MPHOSPH9: variants seen among roughly 807,000 people sequenced by gnomAD.
MPHOSPH9 encodes the protein M-phase phosphoprotein 9.
MPHOSPH9 carries 88 observed loss-of-function variants against 145.5 expected under a neutral mutation model. The ratio of observed to expected loss-of-function variants is 0.60; its 90% CI spans 0.51 to 0.72. The LOEUF (loss-of-function observed/expected upper bound fraction) is 0.72. MPHOSPH9 is among the 30% of genes least tolerant of loss of function. The pLI, the probability that MPHOSPH9 is intolerant of heterozygous loss-of-function variation, is 0.00. For missense variants in MPHOSPH9, 1,238 were observed against 1,386.6 expected (o/e 0.89, Z 1.70); for synonymous variants, 435 against 486.2 (o/e 0.89, Z 1.39).
At chr12:123,229,742 C>G (rs2047566259) in intron 2 of MPHOSPH9, among the ~76,000 whole-genome samples, 1 of 150,900 alleles carries the variant, frequency 6.6e-6, no homozygotes, top group African/African-American at 2.4e-5. Flanking sequence ...GCTTTCCATG[C>G]AAAAGTACAT....
Position 123,156,688 on chromosome 12 carries a change from A to G in MPHOSPH9, c.*119T>C. 2 of 599,982 alleles carry G rather than the reference A, an allele frequency of 3.3e-6. No individual in the cohort carries two copies. The highest frequency in any genetic ancestry group is 3.5e-5 in the South Asian group (1 of 28,354). 37.2% of individuals were successfully genotyped at this position (599,982 alleles called of 1,614,324 possible). A position where few individuals can be genotyped will look rare whatever the true frequency, so the allele number is the denominator to read the frequency against. ...ATAAAATAGCAAGTGTAAGAATAGC[A>G]TGATTGTAAAACTACTGTTTGAAGG... On this transcript the variant is annotated 3_prime_UTR_variant, in exon 24 of 24. Transcript: ENST00000606320.
In MPHOSPH9 at chr12:123,168,315, G is replaced by A. The variant is rs536122745; in HGVS notation, c.2457-1526C>T. On this transcript the variant is annotated intron_variant, in intron 16 of 23. Transcript: ENST00000606320. ...CCACCTCAAGCGGACACCCCAAACC[G>A]CCTGACCGCCTGGCAACATGACTTT... Among the ~76,000 whole-genome samples the A allele has an allele frequency of 1.7e-4, 25 of 148,650 alleles. No homozygotes were observed. In the South Asian group the frequency reaches 5.3e-3, roughly 32 times the overall value.
intron 16 of MPHOSPH9, among the ~76,000 whole-genome samples, chr12:123,168,245 A>G: frequency 6.6e-6 from 1 of 150,730 alleles, no homozygotes; most frequent in East Asian, 1.9e-4. Flanking sequence ...AACTCCTACC[A>G]CTGAGCTTTG....
At chr12:123,167,087 C>T (rs569961934) in intron 16 of MPHOSPH9, among the ~76,000 whole-genome samples, 3 of 152,256 alleles carry the variant, frequency 2.0e-5, no homozygotes, top group East Asian at 3.9e-4. Flanking sequence ...TGTGCCCCTA[C>T]TGTAGCTGAG....
At chr12:123,236,634 T>C (rs975894958), upstream of MPHOSPH9, among the ~76,000 whole-genome samples, 7 of 152,070 alleles carry the variant, frequency 4.6e-5, no homozygotes, top group East Asian at 1.9e-4. Flanking sequence ...GGTTTGTATA[T>C]GTTTAAGTCC....
chr12:123,184,638 C>T (rs2045354770), intron 13 of MPHOSPH9, among the ~76,000 whole-genome samples: 1 of 151,334 alleles, frequency 6.6e-6, no homozygotes, highest in Non-Finnish European at 1.5e-5. Flanking sequence ...GCTGGGACTA[C>T]AGGCATCCGC....
At chr12:123,242,041 A>C (rs1054676848) in intron 1 of MPHOSPH9, among the ~76,000 whole-genome samples, 1 of 152,180 alleles carries the variant, frequency 6.6e-6, no homozygotes, top group African/African-American at 2.4e-5. Context: ...CTTTTATGCT[A>C]CAGACTCTTT....
intron 11 of MPHOSPH9, among the ~76,000 whole-genome samples, chr12:123,201,067 T>A (rs1327619500): frequency 6.6e-6 from 1 of 152,178 alleles, no homozygotes; most frequent in Non-Finnish European, 1.5e-5. Context: ...TTCTTTTGGT[T>A]TGGCTCTTTT....
chr12:123,221,798 G>A lies in MPHOSPH9; in HGVS notation c.446C>T (p.Ser149Leu), dbSNP rs201876941. The change falls in exon 5 of 24, where the codon TCG becomes TTG. Residue 149 changes from serine (S) to leucine (L), a missense_variant. Coordinates refer to ENST00000606320, the MANE Select transcript of MPHOSPH9 (RefSeq NM_022782.4). ...AGAAAAAAAACCCATTTGACTTTCC[G>A]AAGATACTTGTTTGTTTGAAGAATT... ...EGNSSNKQVSSESQMGFFSLS... is the reference protein window; with the variant it reads ...EGNSSNKQVSLESQMGFFSLS... 418 of 1,613,848 alleles carry A rather than the reference G, an allele frequency of 2.6e-4. No individual in the cohort carries two copies. The highest frequency in any genetic ancestry group is 3.1e-4 in the Non-Finnish European group (368 of 1,180,002).
chr12:123,182,249 G>GT (rs72067812), intron 13 of MPHOSPH9, among the ~76,000 whole-genome samples: 7,106 of 137,154 alleles, frequency 0.052, 344 homozygotes, highest in East Asian at 0.27. Flanking sequence ...TTTTTTTTGT[G>GT]TTTTTTTTTT....
intron 16 of MPHOSPH9, among the ~76,000 whole-genome samples, chr12:123,169,448 G>A (rs180854146): frequency 6.8e-4 from 102 of 150,862 alleles, no homozygotes; most frequent in Middle Eastern, 6.8e-3. Context: ...GCAGTGAGCC[G>A]AGATTGCACC....
At chr12:123,188,646 G>A (rs550261963) in intron 13 of MPHOSPH9, among the ~76,000 whole-genome samples, 5 of 152,200 alleles carry the variant, frequency 3.3e-5, no homozygotes, top group South Asian at 2.1e-4. Flanking sequence ...TCAGGAGATC[G>A]AGACCACCCT....
rs1395687401 is a variant in MPHOSPH9, at chr12:123,181,038, T to C, written c.2289+125A>G. 3.6e-6 allele frequency: 3 copies of C among 839,430 alleles called. No homozygotes were observed. In the African/African-American group the frequency reaches 5.1e-5, roughly 14 times the overall value. The allele number at this position is 839,430 out of a possible 1,614,324, so 52.0% of individuals were successfully genotyped here. ...GGATACTGAAACAGGATAAGCAAGG[T>C]TCCAGTTCAACAGCTACGGAGGTTC... On this transcript the variant is annotated intron_variant, in intron 14 of 23. Coordinates refer to ENST00000606320, the MANE Select transcript of MPHOSPH9 (RefSeq NM_022782.4).
upstream of MPHOSPH9, among the ~76,000 whole-genome samples, chr12:123,235,274 C>T (rs1159359758): frequency 1.3e-5 from 2 of 152,168 alleles, no homozygotes; most frequent in African/African-American, 4.8e-5. Flanking sequence ...TAAATTGTGG[C>T]ATTGAGACAT....
At chr12:123,236,632 T>A (rs1280804583), upstream of MPHOSPH9, among the ~76,000 whole-genome samples, 1 of 151,934 alleles carries the variant, frequency 6.6e-6, no homozygotes, top group Non-Finnish European at 1.5e-5. Flanking sequence ...TTGGTTTGTA[T>A]ATGTTTAAGT....
chr12:123,184,067 C>G (rs531973082), intron 13 of MPHOSPH9, among the ~76,000 whole-genome samples: 67 of 151,552 alleles, frequency 4.4e-4, no homozygotes, highest in African/African-American at 1.5e-3. Flanking sequence ...TTAGCCAGGT[C>G]TGGTGGCATG....
At chr12:123,175,405 G>A (rs1001871957) in intron 16 of MPHOSPH9, among the ~76,000 whole-genome samples, 19 of 151,908 alleles carry the variant, frequency 1.3e-4, no homozygotes, top group African/African-American at 1.9e-4. Flanking sequence ...CGCCCGCCTC[G>A]GCCTCCCAAA....
At chr12:123,162,530 A>C in intron 20 of MPHOSPH9, 1 of 191,142 alleles carries the variant, frequency 5.2e-6, no homozygotes. Flanking sequence ...AATGTGCTTA[A>C]CTCATCTCCG....
chr12:123,190,235 C>T (rs532010547), intron 13 of MPHOSPH9, among the ~76,000 whole-genome samples: 14 of 151,660 alleles, frequency 9.2e-5, no homozygotes, highest in African/African-American at 3.4e-4. Flanking sequence ...TCACTGAAAG[C>T]TCCGCCTCCT....
Sources: allele counts gnomAD v4.1 joint callset (sites outside exome capture counted in the v4.1 genomes callset), GRCh38; gene constraint gnomAD v4.1.1; transcripts MANE v1.5; gene names NCBI Gene and HGNC (gene_info 2026-07-23, HGNC 2026-07-21).